Variants in INPP5K observed in about 807,000 individuals in gnomAD.
INPP5K encodes the protein inositol polyphosphate-5-phosphatase K, also known as inositol polyphosphate 5-phosphatase K.
In INPP5K, 35 loss-of-function variants were observed where a neutral mutation model predicts 53.5. The ratio of observed to expected loss-of-function variants is 0.65; its 90% CI spans 0.50 to 0.87. The LOEUF (loss-of-function observed/expected upper bound fraction) is 0.87, where lower values mean the gene tolerates loss of function less well. Among genes scored for constraint, INPP5K ranks in the 40% least tolerant of loss-of-function variants. The probability of loss-of-function intolerance (pLI) is 0.00; values close to 1 mark genes in which losing one functional copy is unlikely to be tolerated. For missense variants in INPP5K, 550 were observed against 586.2 expected (o/e 0.94, Z 0.64); for synonymous variants, 253 against 232.8 (o/e 1.09, Z -0.79).
intron 7 of INPP5K, among the ~76,000 whole-genome samples, chr17:1,503,878 C>T (rs2075094357): frequency 6.6e-6 from 1 of 152,156 alleles, no homozygotes; most frequent in Non-Finnish European, 1.5e-5. Flanking sequence ...CTCAGGGACA[C>T]CGTAGTGGCT....
intron 7 of INPP5K, among the ~76,000 whole-genome samples, chr17:1,499,950 A>G (rs1013339870): frequency 6.6e-6 from 1 of 152,152 alleles, no homozygotes; most frequent in Admixed American, 6.5e-5. Context: ...CTACCTACCT[A>G]TTGATTGATC....
chr17:1,505,207 C>G (rs924170535), intron 7 of INPP5K, among the ~76,000 whole-genome samples: 6 of 152,108 alleles, frequency 3.9e-5, no homozygotes, highest in Admixed American at 3.3e-4. Context: ...CTCACTGCAG[C>G]CTTTAACTCC....
intron 9 of INPP5K, 116 bp from the exon 10 acceptor site, chr17:1,496,518 C>T (rs985265663): frequency 9.0e-6 from 12 of 1,326,120 alleles, no homozygotes; most frequent in East Asian, 7.2e-5. Context: ...GCCTCCCCGC[C>T]GCCCTTCACT....
intron 1 of INPP5K, chr17:1,515,376 G>A (rs142159722): frequency 1.0e-6 from 1 of 954,852 alleles, no homozygotes; most frequent in African/African-American, 1.8e-5. Flanking sequence ...ACTAGATAAG[G>A]GGCCTCAATG....
intron 7 of INPP5K, among the ~76,000 whole-genome samples, chr17:1,499,756 G>A (rs1286863020): frequency 3.9e-5 from 6 of 152,160 alleles, no homozygotes; most frequent in African/African-American, 1.4e-4. Flanking sequence ...TGTGTGTGTG[G>A]CGGGGGAGCA....
rs140352768 is a variant in INPP5K at position 1,502,741 on chromosome 17, C to G, written c.776+4239G>C. On this transcript the variant is annotated intron_variant, in intron 7 of 11. Transcript: ENST00000421807. ...GTTCTCTCCACTCCACCTTGTTTTT[C>G]TTTAGAGACAGGGTCTTGCTGTCAT... Among the ~76,000 whole-genome samples the G allele has an allele frequency of 1.1e-3, 175 of 152,268 alleles. 2 individuals are homozygous for G. The highest frequency in any genetic ancestry group is 4.0e-3 in the African/African-American group (167 of 41,562).
chr17:1,498,161 A>G (rs368233942), intron 7 of INPP5K, 39 bp from the exon 8 acceptor site: 2 of 1,540,528 alleles, frequency 1.3e-6, no homozygotes. Context: ...GAATGGGGAA[A>G]GAAGAAAGGG....
rs754331645 is a variant in INPP5K at position 1,496,105 on chromosome 17, G to C, written c.1245C>G (p.Tyr415Ter). 6.8e-6 allele frequency: 11 copies of C among 1,613,218 alleles called. No homozygotes were observed. The Admixed American group carries it at 1.3e-4, about 20-fold the overall frequency. The stretch of plus-strand genomic sequence containing the variant: ...CCACCACAGAACGCAGACTGTTGCT[G>C]TAGTAACAGAGGAGAAACTCATCTT... ...TTEDEFLLCY[Y>*]SNSLRSVVGI... Residue 415 changes from tyrosine (Y) to a stop codon, truncating the protein, a stop_gained, in exon 11 of 12, where the codon TAC (tyrosine) becomes TAG (stop). Coordinates refer to ENST00000421807, the MANE Select transcript of INPP5K (RefSeq NM_016532.4). LOFTEE classifies it high-confidence loss of function.
intron 4 of INPP5K, 61 bp from the exon 5 acceptor site, chr17:1,509,414 CA>C: frequency 4.0e-6 from 6 of 1,506,422 alleles, no homozygotes; most frequent in Non-Finnish European, 5.5e-6. Context: ...CCCCTCTTTC[CA>C]CATCCTGGAC....
At chr17:1,514,041 G>T in intron 1 of INPP5K, 62 bp from the exon 2 acceptor site, 1 of 1,174,432 alleles carries the variant, frequency 8.5e-7, no homozygotes, top group Non-Finnish European at 1.2e-6. Context: ...CACGGGGTCG[G>T]CTGGGCGCAG....
intron 7 of INPP5K, among the ~76,000 whole-genome samples, chr17:1,502,238 A>G (rs1436299902): frequency 6.6e-6 from 1 of 152,060 alleles, no homozygotes; most frequent in Non-Finnish European, 1.5e-5. Flanking sequence ...AGTCCCAGCT[A>G]CTCAGGAGGC....
At chr17:1,503,977 G>A (rs370864966) in intron 7 of INPP5K, among the ~76,000 whole-genome samples, 12 of 152,258 alleles carry the variant, frequency 7.9e-5, no homozygotes, top group South Asian at 6.2e-4. Flanking sequence ...TGGAAAGCCC[G>A]CCTTTCTGCT....
chr17:1,507,300 G>A (rs1267192204), intron 6 of INPP5K: 12 of 560,494 alleles, frequency 2.1e-5, no homozygotes, highest in Non-Finnish European at 3.8e-5. Flanking sequence ...AAGGCCCAGG[G>A]GAGGCAGCTG....
At chr17:1,500,610 T>C (rs142610877) in intron 7 of INPP5K, among the ~76,000 whole-genome samples, 14,439 of 151,874 alleles carry the variant, frequency 0.095, 1,008 homozygotes, top group African/African-American at 0.18. Context: ...CGTGATCTGC[T>C]CGCCTTGGCC....
intron 3 of INPP5K, among the ~76,000 whole-genome samples, chr17:1,512,914 A>C (rs918174467): frequency 6.6e-6 from 1 of 152,172 alleles, no homozygotes; most frequent in South Asian, 2.1e-4. Context: ...AGTAGTTAAG[A>C]ACTTGGGTTA....
At chr17:1,514,965 G>A (rs1365553377) in intron 1 of INPP5K, among the ~76,000 whole-genome samples, 1 of 147,380 alleles carries the variant, frequency 6.8e-6, no homozygotes, top group Non-Finnish European at 1.5e-5. Context: ...GGAGTGGACT[G>A]GGATGATCTC....
intron 3 of INPP5K, 109 bp downstream of exon 3, chr17:1,513,344 C>T (rs2075351541): frequency 2.1e-6 from 2 of 947,840 alleles, no homozygotes; most frequent in South Asian, 1.4e-5. Context: ...AAATGGGAAA[C>T]AGCATGAAAG....
chr17:1,507,547 T>A (rs1456991518), intron 6 of INPP5K: 1 of 158,142 alleles, frequency 6.3e-6, no homozygotes, highest in Admixed American at 6.4e-5. Flanking sequence ...TCTTCTTCTT[T>A]TTTTTTTTTT....
chr17:1,497,195 A>G (rs1034333515), intron 8 of INPP5K, among the ~76,000 whole-genome samples: 2 of 152,202 alleles, frequency 1.3e-5, no homozygotes, highest in Non-Finnish European at 2.9e-5. Context: ...CAACGCAGAT[A>G]CCAGCGGGGG....
Sources: allele counts gnomAD v4.1 joint callset (sites outside exome capture counted in the v4.1 genomes callset), GRCh38; gene constraint gnomAD v4.1.1; transcripts MANE v1.5; gene names NCBI Gene and HGNC (gene_info 2026-07-23, HGNC 2026-07-21).